Variants in PGM5 observed in about 807,000 individuals in gnomAD.
PGM5 encodes the protein phosphoglucomutase 5, also known as phosphoglucomutase-like protein 5.
Under a neutral mutation model 59.2 loss-of-function variants are expected in PGM5, and 23 were observed. That is an observed-to-expected ratio of 0.39 (90% CI 0.28 to 0.55). The LOEUF (loss-of-function observed/expected upper bound fraction) is 0.55. Among genes scored for constraint, PGM5 ranks in the 20% least tolerant of loss-of-function variants. The pLI is 0.66. For missense variants in PGM5, 574 were observed against 748.3 expected, an observed-to-expected ratio of 0.77 and a Z score of 2.72; for synonymous variants, 214 against 286.0, an observed-to-expected ratio of 0.75 and a Z score of 2.54.
intron 6 of PGM5, chr9:68,396,226 T>C (rs2132017418): frequency 6.6e-6 from 1 of 152,320 alleles, no homozygotes; most frequent in African/African-American, 2.4e-5. Context: ...GTTGAACCAA[T>C]GATCAGAGAG....
chr9:68,446,906 G>T (rs1001265353), intron 6 of PGM5, among the ~76,000 whole-genome samples: 5 of 152,138 alleles, frequency 3.3e-5, no homozygotes, highest in Admixed American at 2.6e-4. Flanking sequence ...CCACTCTTTT[G>T]CTTCATAAAT....
At chr9:68,498,567 G>A (rs1431937033) in intron 9 of PGM5, 2 of 152,146 alleles carry the variant, frequency 1.3e-5, no homozygotes, top group African/African-American at 4.8e-5. Flanking sequence ...ATCATCTTTG[G>A]AGAAAGGCAT....
chr9:68,378,451 C>G, intron 2 of PGM5, 90 bp downstream of exon 2: 1 of 1,430,804 alleles, frequency 7.0e-7, no homozygotes, highest in Middle Eastern at 2.6e-4. Flanking sequence ...GATAGACAAG[C>G]AAGGTGCAGA....
At chr9:68,468,581 T>C (rs1306458973) in intron 7 of PGM5, among the ~76,000 whole-genome samples, 4 of 152,224 alleles carry the variant, frequency 2.6e-5, no homozygotes, top group African/African-American at 9.6e-5. Context: ...CCAGGCATTG[T>C]GTTGGATGGT....
chr9:68,421,901 C>A, intron 6 of PGM5, among the ~76,000 whole-genome samples: 1 of 149,994 alleles, frequency 6.7e-6, no homozygotes, highest in African/African-American at 2.5e-5. Flanking sequence ...AGAGATATGT[C>A]TAAAAAATGT....
chr9:68,397,753 T>A (rs1822548613), intron 6 of PGM5: 1 of 152,100 alleles, frequency 6.6e-6, no homozygotes, highest in African/African-American at 2.4e-5. Context: ...GCATCGAGCA[T>A]CTTGCTTAGA....
At chr9:68,419,866 T>C (rs1823098729) in intron 6 of PGM5, among the ~76,000 whole-genome samples, 1 of 152,136 alleles carries the variant, frequency 6.6e-6, no homozygotes. Flanking sequence ...ATCCCCCTCA[T>C]CTCCATTCTA....
At chr9:68,504,940 T>C (rs183128368) in intron 10 of PGM5, among the ~76,000 whole-genome samples, 14 of 152,342 alleles carry the variant, frequency 9.2e-5, no homozygotes, top group Admixed American at 8.5e-4. Context: ...TCAGGATGAA[T>C]GTTGGTGCTA....
chr9:68,390,754 T>C (rs1822342756), intron 4 of PGM5, among the ~76,000 whole-genome samples: 1 of 152,226 alleles, frequency 6.6e-6, no homozygotes, highest in Admixed American at 6.5e-5. Context: ...CCCAAACACT[T>C]GCCAACTTTA....
intron 9 of PGM5, among the ~76,000 whole-genome samples, chr9:68,486,459 C>T (rs782613804): frequency 2.4e-4 from 36 of 152,206 alleles, no homozygotes; most frequent in Non-Finnish European, 4.4e-4. Context: ...CCCACAGCCC[C>T]TGGCAACCCC....
chr9:68,357,032 G>T lies in PGM5; in HGVS notation c.-96G>T. 1 of 1,266,432 alleles carries T rather than the reference G, an allele frequency of 7.9e-7. No homozygotes were observed. The highest frequency in any genetic ancestry group is 1.0e-6 in the Non-Finnish European group (1 of 973,480). 78.4% of individuals were successfully genotyped at this position (1,266,432 alleles called of 1,614,324 possible). A position where few individuals can be genotyped will look rare whatever the true frequency, so the allele number is the denominator to read the frequency against. On this transcript the variant is annotated 5_prime_UTR_variant, in exon 1 of 11. Coordinates refer to ENST00000396396, the MANE Select transcript of PGM5 (RefSeq NM_021965.4). ...TGGAGAGGGGGCCCGGGCGCGAGGC[G>T]GAGTCCCGGCGCGCAGCCAGGCTGG...
intron 2 of PGM5, among the ~76,000 whole-genome samples, chr9:68,383,523 C>A (rs1346996652): frequency 6.6e-5 from 10 of 151,718 alleles, no homozygotes; most frequent in Admixed American, 1.3e-4. Context: ...TTGTATTGGA[C>A]AATGCAGTTC....
chr9:68,460,840 A>C (rs1265674360), intron 6 of PGM5, among the ~76,000 whole-genome samples: 1 of 152,198 alleles, frequency 6.6e-6, no homozygotes, highest in Non-Finnish European at 1.5e-5. Flanking sequence ...TCCTGCGCTC[A>C]TGGAAGTTCT....
intron 7 of PGM5, among the ~76,000 whole-genome samples, chr9:68,473,951 A>G (rs974121338): frequency 6.6e-6 from 1 of 152,096 alleles, no homozygotes; most frequent in African/African-American, 2.4e-5. Context: ...TTCCCTTAGC[A>G]CCACATTCAA....
intron 9 of PGM5, among the ~76,000 whole-genome samples, chr9:68,490,806 C>T (rs10465187): frequency 6.6e-6 from 1 of 152,074 alleles, no homozygotes; most frequent in Non-Finnish European, 1.5e-5. Flanking sequence ...TTTAGTCACA[C>T]TGATTAACCC....
At chr9:68,404,905 T>C (rs189863904) in intron 6 of PGM5, 90 of 152,332 alleles carry the variant, frequency 5.9e-4, no homozygotes, top group African/African-American at 1.9e-3. Context: ...CTGAAGTAGA[T>C]TGGCCTCAGG....
chr9:68,446,559 G>C (rs564444189), intron 6 of PGM5, among the ~76,000 whole-genome samples: 1 of 152,242 alleles, frequency 6.6e-6, no homozygotes, highest in Non-Finnish European at 1.5e-5. Flanking sequence ...TGTACGTGCT[G>C]TGCGTGTCTC....
intron 6 of PGM5, chr9:68,396,307 T>C (rs1223155758): frequency 1.3e-5 from 2 of 152,240 alleles, no homozygotes; most frequent in Non-Finnish European, 2.9e-5. Flanking sequence ...GGTCTTCTGA[T>C]AATAGGGTAC....
At chr9:68,421,664 C>A (rs953511106) in intron 6 of PGM5, among the ~76,000 whole-genome samples, 2 of 152,030 alleles carry the variant, frequency 1.3e-5, no homozygotes, top group Admixed American at 6.6e-5. Context: ...TTGCAGTGAG[C>A]GGAGATCATA....
Sources: allele counts gnomAD v4.1 joint callset (sites outside exome capture counted in the v4.1 genomes callset), GRCh38; gene constraint gnomAD v4.1.1; transcripts MANE v1.5; gene names NCBI Gene and HGNC (gene_info 2026-07-23, HGNC 2026-07-21).